The following MAP2K1 variants were observed in gnomAD, a reference collection of about 807,000 sequenced individuals.
MAP2K1 encodes dual specificity mitogen-activated protein kinase kinase 1.
Under a neutral mutation model 46.3 loss-of-function variants are expected in MAP2K1, and 16 were observed. The observed-to-expected ratio is 0.35, with a 90% CI of 0.23 to 0.52. The LOEUF is 0.52. Among genes scored for constraint, MAP2K1 ranks in the 20% least tolerant of loss-of-function variants. MAP2K1 has a pLI of 0.94. For missense variants in MAP2K1, 263 were observed against 497.1 expected (o/e 0.53, Z 4.48); for synonymous variants, 183 against 185.6 (o/e 0.99, Z 0.11).
At chr15:66,461,179 A>G (rs1246176358) in intron 5 of MAP2K1, among the ~76,000 whole-genome samples, 1 of 152,110 alleles carries the variant, frequency 6.6e-6, no homozygotes, top group Non-Finnish European at 1.5e-5. Flanking sequence ...TTAGCTCATG[A>G]TGCCCAACAC....
chr15:66,407,967 A>G (rs1166212073), intron 1 of MAP2K1, among the ~76,000 whole-genome samples: 2 of 152,270 alleles, frequency 1.3e-5, no homozygotes, highest in African/African-American at 4.8e-5. Flanking sequence ...CGTGTGGCAC[A>G]GTGGAAAGGC....
intron 5 of MAP2K1, among the ~76,000 whole-genome samples, chr15:66,459,461 C>CA (rs1325484641): frequency 1.3e-5 from 2 of 151,234 alleles, no homozygotes; most frequent in Middle Eastern, 3.2e-3. Flanking sequence ...TACTAAAATA[C>CA]AAAAAAATTA....
At chr15:66,432,959 A>AGTGTGTATGT (rs1555415888) in intron 1 of MAP2K1, among the ~76,000 whole-genome samples, 4 of 131,996 alleles carry the variant, frequency 3.0e-5, no homozygotes, top group African/African-American at 1.1e-4. Context: ...CATCATGCAC[A>AGTGTGTATGT]GTGTGTGTGT....
At chr15:66,446,817 C>T in intron 5 of MAP2K1, 1 of 247,198 alleles carries the variant, frequency 4.0e-6, no homozygotes, top group Non-Finnish European at 8.5e-6. Flanking sequence ...AGCAGGCCTC[C>T]ATGGCATCCA....
At chr15:66,418,482 A>G (rs892915136) in intron 1 of MAP2K1, among the ~76,000 whole-genome samples, 19 of 152,154 alleles carry the variant, frequency 1.2e-4, no homozygotes, top group Non-Finnish European at 1.9e-4. Flanking sequence ...TTTTTTCCTC[A>G]TTATGACTGG....
chr15:66,463,927 GTTTTC>G (rs1202346245), intron 5 of MAP2K1, among the ~76,000 whole-genome samples: 14 of 152,316 alleles, frequency 9.2e-5, no homozygotes, highest in Middle Eastern at 6.8e-3. Context: ...ACAAATGGTT[GTTTTC>G]TTTTGAGTTT....
intron 1 of MAP2K1, among the ~76,000 whole-genome samples, chr15:66,393,180 CTCTT>C (rs1351606552): frequency 6.7e-6 from 1 of 149,830 alleles, no homozygotes. Context: ...CTTTCTCTCT[CTCTT>C]TTTTTTTTTT....
At chr15:66,420,111 G>A (rs572903172) in intron 1 of MAP2K1, among the ~76,000 whole-genome samples, 1 of 152,176 alleles carries the variant, frequency 6.6e-6, no homozygotes, top group Admixed American at 6.5e-5. Flanking sequence ...GGGCATGGTG[G>A]TGGGCACCTG....
chr15:66,392,255 G>GTTTTTTTTTTTTTTT lies in MAP2K1; in HGVS notation c.80+4838_80+4852dup, dbSNP rs58831070. Among the ~76,000 whole-genome samples the GTTTTTTTTTTTTTTT allele has an allele frequency of 9.4e-4, 92 of 97,750 alleles. 1 individual carries two copies. Among genetic ancestry groups the GTTTTTTTTTTTTTTT allele is most frequent in the African/African-American group, 3.9e-3 (85 of 22,040 alleles). The allele number at this position is 97,750 out of a possible 152,430, so 64.1% of individuals were successfully genotyped here. A position where few individuals can be genotyped will look rare whatever the true frequency, so the allele number is the denominator to read the frequency against. ...ACGAATATTTGTGTGTTTTTTTTGG[G>GTTTTTTTTTTTTTTT]TTTTTTTTTTTTTTTTTTTTTTTTA... On this transcript the variant is annotated intron_variant, in intron 1 of 10. Transcript: ENST00000307102.
At chr15:66,401,994 T>C (rs1342148395) in intron 1 of MAP2K1, 5 of 1,338,388 alleles carry the variant, frequency 3.7e-6, no homozygotes, top group Non-Finnish European at 4.9e-6. Flanking sequence ...TTTTGAAAAA[T>C]CACATGCAAA....
chr15:66,489,343 G>A (rs999403662), intron 9 of MAP2K1, 67 bp downstream of exon 9: 2 of 1,417,074 alleles, frequency 1.4e-6, no homozygotes, highest in African/African-American at 1.4e-5. Flanking sequence ...CCCCATTTCT[G>A]GAAGCACCAG....
At chr15:66,430,023 C>T (rs2140570145) in intron 1 of MAP2K1, among the ~76,000 whole-genome samples, 1 of 152,206 alleles carries the variant, frequency 6.6e-6, no homozygotes, top group South Asian at 2.1e-4. Context: ...TCCTCCTTCC[C>T]ATATACTTTT....
intron 1 of MAP2K1, among the ~76,000 whole-genome samples, chr15:66,388,743 A>G (rs1029585727): frequency 6.6e-6 from 1 of 151,884 alleles, no homozygotes; most frequent in Admixed American, 6.6e-5. Flanking sequence ...AATGATCACA[A>G]GGTCGATGGT....
intron 1 of MAP2K1, among the ~76,000 whole-genome samples, chr15:66,395,266 A>T (rs1210682289): frequency 3.9e-5 from 6 of 152,208 alleles, no homozygotes; most frequent in Admixed American, 3.9e-4. Context: ...AACCAATAAA[A>T]AAGAATTATA....
At chr15:66,490,327 T>TG (rs1344982766) in intron 10 of MAP2K1, 175 bp from the exon 11 acceptor site, 1 of 708,064 alleles carries the variant, frequency 1.4e-6, no homozygotes, top group South Asian at 1.4e-5. Context: ...CTGTGACTGG[T>TG]GGAGCAGGTC....
chr15:66,414,303 A>G (rs935304951), intron 1 of MAP2K1, among the ~76,000 whole-genome samples: 1 of 151,918 alleles, frequency 6.6e-6, no homozygotes, highest in African/African-American at 2.4e-5. Flanking sequence ...CTTCTGTTGA[A>G]CTAGCTACAA....
chr15:66,456,785 C>T (rs1892176595), intron 5 of MAP2K1, among the ~76,000 whole-genome samples: 2 of 152,184 alleles, frequency 1.3e-5, no homozygotes, highest in Admixed American at 1.3e-4. Context: ...ACAGATGGCG[C>T]CTCTTGATGA....
chr15:66,431,964 C>T (rs887283442), intron 1 of MAP2K1, among the ~76,000 whole-genome samples: 12 of 152,108 alleles, frequency 7.9e-5, no homozygotes, highest in East Asian at 1.9e-4. Flanking sequence ...TGTATACCTG[C>T]GTTAGTTTGC....
intron 1 of MAP2K1, among the ~76,000 whole-genome samples, chr15:66,401,687 A>G (rs373794725): frequency 9.3e-4 from 141 of 152,298 alleles, no homozygotes; most frequent in Middle Eastern, 6.8e-3. Flanking sequence ...CTACAAAGCA[A>G]GCACTGTTGG....
Sources: allele counts gnomAD v4.1 joint callset (sites outside exome capture counted in the v4.1 genomes callset), GRCh38; gene constraint gnomAD v4.1.1; transcripts MANE v1.5; gene names NCBI Gene and HGNC (gene_info 2026-07-23, HGNC 2026-07-21).